The following PITPNC1 variants were observed in gnomAD, a reference collection of about 807,000 sequenced individuals.
The protein encoded by PITPNC1 is phosphatidylinositol transfer protein cytoplasmic 1, also known as cytoplasmic phosphatidylinositol transfer protein 1.
Under a neutral mutation model 44.7 loss-of-function variants are expected in PITPNC1, and 18 were observed. The observed-to-expected ratio is 0.40, with a 90% CI of 0.28 to 0.60. PITPNC1 has a LOEUF of 0.60. PITPNC1 is among the 20% of genes least tolerant of loss of function. The pLI, the probability that PITPNC1 is intolerant of heterozygous loss-of-function variation, is 0.39. For missense variants in PITPNC1, 290 were observed against 418.4 expected (o/e 0.69, Z 2.68); for synonymous variants, 141 against 149.6 (o/e 0.94, Z 0.42).
chr17:67,612,730 A>G (rs551542700), intron 5 of PITPNC1: 1 of 147,592 alleles, frequency 6.8e-6, no homozygotes, highest in South Asian at 2.1e-4. Context: ...TGGATGGATC[A>G]ATGGGTGGAT....
intron 4 of PITPNC1, among the ~76,000 whole-genome samples, chr17:67,575,854 CTTTCCTTCCTT>C (rs56656873): frequency 0.49 from 33,439 of 67,914 alleles, 9,202 homozygotes; most frequent in East Asian, 0.6. Context: ...TTCTTTCTTT[CTTTCCTTCCTT>C]CTTTCTTTCT....
chr17:67,407,282 T>C (rs1402147227), intron 1 of PITPNC1, among the ~76,000 whole-genome samples: 1 of 152,236 alleles, frequency 6.6e-6, no homozygotes, highest in Non-Finnish European at 1.5e-5. Flanking sequence ...AATCTTTTCA[T>C]CTACTGGCAA....
Position 67,552,292 on chromosome 17 carries a change from A to G in PITPNC1, c.233A>G (p.Lys78Arg), listed in dbSNP as rs1341627797. The change falls in exon 3 of 9, where the codon AAA (lysine) becomes AGA (arginine). Residue 78 changes from lysine to arginine, a missense_variant. Transcript: ENST00000581322. ...LPSWARAVVPKIFYVTEKAWN... is the reference protein window; with the variant it reads ...LPSWARAVVPRIFYVTEKAWN... ...AGTTGGGCTAGAGCTGTTGTCCCCA[A>G]AATATTTTATGTGACAGAGAAGGCT... The G allele has an allele frequency of 4.4e-5, 70 of 1,607,366 alleles. No homozygotes were observed. Among genetic ancestry groups the G allele is most frequent in the Non-Finnish European group, 5.9e-5 (69 of 1,173,960 alleles).
At chr17:67,585,603 G>A (rs1044380826) in intron 5 of PITPNC1, among the ~76,000 whole-genome samples, 1 of 152,088 alleles carries the variant, frequency 6.6e-6, no homozygotes, top group Non-Finnish European at 1.5e-5. Context: ...AAGAGTTCAA[G>A]ACCAGCCTGA....
intron 5 of PITPNC1, among the ~76,000 whole-genome samples, chr17:67,629,419 C>T (rs1187179677): frequency 3.3e-5 from 5 of 152,208 alleles, no homozygotes; most frequent in African/African-American, 1.2e-4. Flanking sequence ...ATTACAGGCA[C>T]ATGCCAACAT....
At chr17:67,435,108 CAAAAAAAAAAA>C (rs555005702) in intron 1 of PITPNC1, among the ~76,000 whole-genome samples, 5 of 76,678 alleles carry the variant, frequency 6.5e-5, no homozygotes, top group African/African-American at 9.1e-5. Context: ...GACTCCATCT[CAAAAAAAAAAA>C]AAAAAAAAAA....
intron 1 of PITPNC1, among the ~76,000 whole-genome samples, chr17:67,397,777 C>A (rs1366093353): frequency 2.6e-5 from 4 of 152,074 alleles, no homozygotes; most frequent in Non-Finnish European, 5.9e-5. Context: ...CATAGCTGAC[C>A]ACTTGTTTTT....
At chr17:67,414,545 C>T (rs2038557423) in intron 1 of PITPNC1, among the ~76,000 whole-genome samples, 3 of 152,082 alleles carry the variant, frequency 2.0e-5, no homozygotes, top group Admixed American at 2.0e-4. Flanking sequence ...CCAATTCCAG[C>T]CCATCACCTC....
intron 1 of PITPNC1, among the ~76,000 whole-genome samples, chr17:67,496,313 G>A (rs918369743): frequency 3.3e-5 from 5 of 152,096 alleles, no homozygotes; most frequent in African/African-American, 7.2e-5. Context: ...TCTTGTATGC[G>A]GTTATTCCCC....
chr17:67,456,038 C>CT, intron 1 of PITPNC1, among the ~76,000 whole-genome samples: 1 of 152,194 alleles, frequency 6.6e-6, no homozygotes, highest in South Asian at 2.1e-4. Flanking sequence ...TTAAAAAACA[C>CT]ATTCCAGATT....
chr17:67,431,734 C>T (rs1262405380), intron 1 of PITPNC1, among the ~76,000 whole-genome samples: 1 of 152,162 alleles, frequency 6.6e-6, no homozygotes, highest in East Asian at 1.9e-4. Flanking sequence ...GTCATAAACA[C>T]AGAGGCATGC....
chr17:67,615,540 A>G (rs1457560846), intron 5 of PITPNC1, among the ~76,000 whole-genome samples: 1 of 152,192 alleles, frequency 6.6e-6, no homozygotes, highest in Non-Finnish European at 1.5e-5. Context: ...GAGCTAGTGT[A>G]GTGGCTGTGT....
At chr17:67,505,928 C>T (rs1351530222) in intron 1 of PITPNC1, among the ~76,000 whole-genome samples, 2 of 152,110 alleles carry the variant, frequency 1.3e-5, no homozygotes, top group Admixed American at 1.3e-4. Context: ...TATTTTTGGC[C>T]TCCCCCTCTA....
intron 6 of PITPNC1, among the ~76,000 whole-genome samples, chr17:67,635,013 G>A (rs1481276350): frequency 1.3e-5 from 2 of 152,184 alleles, no homozygotes; most frequent in Non-Finnish European, 2.9e-5. Flanking sequence ...AACCCAGGAG[G>A]CGGTGGTTAC....
In PITPNC1 at chr17:67,692,770, G is replaced by T; in HGVS notation, c.881G>T (p.Arg294Leu). ...GAATTTCTGTCCGTTCCCAAAGATC[G>T]GCCCCGGAAAAAGTCTGCCCCAGAA... ...APEFLSVPKD[R>L]PRKKSAPETL... Residue 294 changes from arginine to leucine, a missense_variant, in exon 9 of 9, where the codon CGG becomes CTG. Coordinates refer to ENST00000581322, the MANE Select transcript of PITPNC1 (RefSeq NM_012417.4). 1 of 1,613,638 alleles carries T rather than the reference G, an allele frequency of 6.2e-7. No homozygotes were observed. Among genetic ancestry groups the T allele is most frequent in the African/African-American group, 1.3e-5 (1 of 74,920 alleles).
rs1205870576 is a variant in PITPNC1 at position 67,597,135 on chromosome 17, G to GC, written c.366+18883dup. Among the ~76,000 whole-genome samples, 5 of 151,988 alleles carry GC rather than the reference G, an allele frequency of 3.3e-5. No homozygotes were observed. The South Asian group carries it at 1.0e-3, about 32-fold the overall frequency. ...TCTTGAACCCCTGGGCTCAAGTGAT[G>GC]CCCCCACCTTGGCCTCCCAAACTGC... On this transcript the variant is annotated intron_variant, in intron 5 of 8. Transcript: ENST00000581322. This position sits in a 1 kb window ranked among gnomAD's most constrained non-coding sequence, Gnocchi z 4.0.
intron 1 of PITPNC1, among the ~76,000 whole-genome samples, chr17:67,478,501 A>T (rs1301118705): frequency 6.6e-6 from 1 of 152,176 alleles, no homozygotes; most frequent in Non-Finnish European, 1.5e-5. Context: ...CCTTTGATGA[A>T]AGACCATTCT....
At chr17:67,623,575 G>A (rs966767457) in intron 5 of PITPNC1, among the ~76,000 whole-genome samples, 2 of 152,080 alleles carry the variant, frequency 1.3e-5, no homozygotes, top group Non-Finnish European at 2.9e-5. Flanking sequence ...GTAGAGACGG[G>A]GTTTCATCAT....
intron 4 of PITPNC1, among the ~76,000 whole-genome samples, chr17:67,574,758 A>T (rs1329066704): frequency 6.6e-6 from 1 of 151,974 alleles, no homozygotes; most frequent in Non-Finnish European, 1.5e-5. Flanking sequence ...ACACCCCAGG[A>T]CTCTGAGAAC....
Sources: gnomAD v4.1 joint callset for allele counts (sites outside exome capture counted in the v4.1 genomes callset) on GRCh38, gnomAD v4.1.1 for gene constraint, Gnocchi (gnomAD v3.1) non-coding constraint, MANE v1.5 for transcripts, NCBI Gene and HGNC (gene_info 2026-07-23, HGNC 2026-07-21) for gene names.